The following MYOM1 variants were observed in gnomAD, a reference collection of about 807,000 sequenced individuals.
The protein encoded by MYOM1 is myomesin 1, also known as myomesin-1.
A neutral mutation model predicts 205.3 loss-of-function variants in MYOM1; 164 were observed. That is an observed-to-expected ratio of 0.80 (90% CI 0.70 to 0.91). The LOEUF is 0.91. Ranked by LOEUF, MYOM1 falls within the 40% of genes least tolerant of loss-of-function variation. The probability of loss-of-function intolerance (pLI) is 0.00; values close to 1 mark genes in which losing one functional copy is unlikely to be tolerated. For missense variants in MYOM1, 2,011 were observed against 2,127.3 expected, an observed-to-expected ratio of 0.95 and a Z score of 1.08; for synonymous variants, 772 against 789.4, an observed-to-expected ratio of 0.98 and a Z score of 0.37.
At chr18:3,197,797 T>C (rs552656082) in intron 2 of MYOM1, among the ~76,000 whole-genome samples, 82 of 151,982 alleles carry the variant, frequency 5.4e-4, no homozygotes, top group South Asian at 5.0e-3. Context: ...GGCGTGAACC[T>C]GGGAGGCAGA....
intron 21 of MYOM1, among the ~76,000 whole-genome samples, chr18:3,113,339 T>C (rs1437214003): frequency 6.7e-6 from 1 of 149,610 alleles, no homozygotes; most frequent in Non-Finnish European, 1.5e-5. Context: ...TATATATGTA[T>C]GTATTTCTGA....
chr18:3,207,658 T>C (rs535529779), intron 2 of MYOM1, among the ~76,000 whole-genome samples: 2 of 152,348 alleles, frequency 1.3e-5, no homozygotes, highest in South Asian at 4.2e-4. Flanking sequence ...GGTCTCTCTG[T>C]GGAAGCTCAG....
rs1355667706 is a variant in MYOM1, at chr18:3,152,536, G to C, written c.1644-643C>G. ...CTTGGAAACACTGATTTCTAATTGAGTGCTTTTACAGCAGTTGGTACCTGG... is the reference window on the plus strand; with the variant it reads ...CTTGGAAACACTGATTTCTAATTGACTGCTTTTACAGCAGTTGGTACCTGG... On this transcript the variant is annotated intron_variant, in intron 11 of 37. Transcript: ENST00000356443. This position sits in a 1 kb window ranked among gnomAD's most constrained non-coding sequence, Gnocchi z 4.3. 6.6e-6 allele frequency among the ~76,000 whole-genome samples: 1 copy of C among 152,168 alleles called. No homozygotes were observed. The highest frequency in any genetic ancestry group is 1.9e-4 in the East Asian group (1 of 5,186).
At chr18:3,163,834 GTT>G (rs2080430443) in intron 10 of MYOM1, among the ~76,000 whole-genome samples, 1 of 124,060 alleles carries the variant, frequency 8.1e-6, no homozygotes, top group Admixed American at 7.6e-5. Flanking sequence ...TTTTTTTTTG[GTT>G]TTGTTTTGTT....
At chr18:3,214,908 A>C (rs758015395) in intron 2 of MYOM1, 26 bp downstream of exon 2, 16 of 1,550,316 alleles carry the variant, frequency 1.0e-5, no homozygotes, top group Non-Finnish European at 1.1e-5. Context: ...TGAGGTTGGA[A>C]GGTTGGAGGA....
At chr18:3,239,120 A>G in the MYOM1 span, among the ~76,000 whole-genome samples, 92 of 152,340 alleles carry the variant, frequency 6.0e-4, no homozygotes, top group African/African-American at 1.9e-3. Flanking sequence ...TAGTCTGCTT[A>G]TACATACGGG....
rs2080595341 is a variant in MYOM1, at chr18:3,173,874, G to T, written c.1174+64C>A. 4 of 1,442,310 alleles carry T rather than the reference G, an allele frequency of 2.8e-6. 1 individual carries two copies. In the South Asian group the frequency reaches 4.6e-5, roughly 17 times the overall value. The allele number at this position is 1,442,310 out of a possible 1,614,324, so 89.3% of individuals were successfully genotyped here. A position where few individuals can be genotyped will look rare whatever the true frequency, so the allele number is the denominator to read the frequency against. On this transcript the variant is annotated intron_variant, in intron 8 of 37. Transcript: ENST00000356443. ...AGTATGCATTTATTTCAGCATTATG[G>T]GCTAACTTATTATGCCATATTTTAC...
At chr18:3,213,329 C>A (rs1204932375) in intron 2 of MYOM1, among the ~76,000 whole-genome samples, 1 of 152,118 alleles carries the variant, frequency 6.6e-6, no homozygotes, top group African/African-American at 2.4e-5. Flanking sequence ...CAACCTATGC[C>A]AGGTACTTTG....
intron 11 of MYOM1, 77 bp downstream of exon 11, chr18:3,154,870 A>G (rs2080271666): frequency 6.8e-7 from 1 of 1,477,352 alleles, no homozygotes; most frequent in Non-Finnish European, 9.2e-7. Flanking sequence ...AAATATTTCC[A>G]CTAGAAATGA....
chr18:3,214,633 A>C (rs1161981320), intron 2 of MYOM1, among the ~76,000 whole-genome samples: 1 of 152,138 alleles, frequency 6.6e-6, no homozygotes, highest in African/African-American at 2.4e-5. Context: ...AAACCAGCCT[A>C]GCCAACATGG....
intron 26 of MYOM1, among the ~76,000 whole-genome samples, chr18:3,093,038 G>A (rs912311707): frequency 3.9e-5 from 6 of 152,148 alleles, no homozygotes; most frequent in African/African-American, 1.4e-4. Flanking sequence ...GGAACATTTT[G>A]AAAGTGGAGA....
rs919471616 is a variant in MYOM1, at chr18:3,209,850, A to T, written c.290+5084T>A. Among the ~76,000 whole-genome samples, 1 of 152,230 alleles carries T rather than the reference A, an allele frequency of 6.6e-6. No homozygotes were observed. Among genetic ancestry groups the T allele is most frequent in the Non-Finnish European group, 1.5e-5 (1 of 68,034 alleles). ...CTCTGTTTCTTATTGTTTCTATAAC[A>T]TGTATTACCTTCTGGTATAAAATAT... On this transcript the variant is annotated intron_variant, in intron 2 of 37. Transcript: ENST00000356443. This position sits in a 1 kb window ranked among gnomAD's most constrained non-coding sequence, Gnocchi z 4.0.
chr18:3,149,820 T>A (rs2080191325), intron 12 of MYOM1, among the ~76,000 whole-genome samples: 1 of 152,178 alleles, frequency 6.6e-6, no homozygotes, highest in South Asian at 2.1e-4. Context: ...TACTCTTGCA[T>A]TAACCAGGGG....
At chr18:3,144,694 G>A (rs1395472384) in intron 13 of MYOM1, among the ~76,000 whole-genome samples, 1 of 152,130 alleles carries the variant, frequency 6.6e-6, no homozygotes, top group Admixed American at 6.5e-5. Flanking sequence ...TATATTAAAA[G>A]TAGATTTCCA....
At position 3,168,743 on chromosome 18, in the gene MYOM1, C is replaced by T. The variant is rs17183876; in HGVS notation, c.1339+74G>A. 0.042 allele frequency: 64,040 copies of T among 1,511,836 alleles called. 2,681 individuals are homozygous for T. The highest frequency in any genetic ancestry group is 0.21 in the Admixed American group (11,630 of 54,886). The allele number at this position is 1,511,836 out of a possible 1,614,324, so 93.7% of individuals were successfully genotyped here. A position where few individuals can be genotyped will look rare whatever the true frequency, so the allele number is the denominator to read the frequency against. On this transcript the variant is annotated intron_variant, in intron 9 of 37. Transcript: ENST00000356443. The stretch of plus-strand genomic sequence containing the variant: ...TCTAACTTCCAGATTCCACCAGCTC[C>T]GATAAACAGATCTGCAATCTGGTCT...
At chr18:3,227,551 G>T in the MYOM1 span, among the ~76,000 whole-genome samples, 2 of 152,188 alleles carry the variant, frequency 1.3e-5, no homozygotes, top group African/African-American at 2.4e-5. Context: ...GGGCGCGGTG[G>T]CTCACACCTG....
At chr18:3,118,618 G>C (rs972552428) in intron 20 of MYOM1, among the ~76,000 whole-genome samples, 1 of 152,090 alleles carries the variant, frequency 6.6e-6, no homozygotes, top group African/African-American at 2.4e-5. Context: ...ACAGGAATGA[G>C]CCACCGCACC....
At chr18:3,136,949 TTTTTTC>T (rs1211642005) in intron 14 of MYOM1, among the ~76,000 whole-genome samples, 2 of 151,490 alleles carry the variant, frequency 1.3e-5, no homozygotes, top group Non-Finnish European at 2.9e-5. Context: ...TTTTTCTTTC[TTTTTTC>T]TTTTTTTTTT....
chr18:3,094,996 T>A (rs1279474896), intron 25 of MYOM1, among the ~76,000 whole-genome samples: 1 of 152,178 alleles, frequency 6.6e-6, no homozygotes, highest in Non-Finnish European at 1.5e-5. Context: ...CTTCCTAAAC[T>A]TATGTCAAAT....
Sources: gnomAD v4.1 joint callset for allele counts (sites outside exome capture counted in the v4.1 genomes callset) on GRCh38, gnomAD v4.1.1 for gene constraint, Gnocchi (gnomAD v3.1) non-coding constraint, MANE v1.5 for transcripts, NCBI Gene and HGNC (gene_info 2026-07-23, HGNC 2026-07-21) for gene names.